Variants in FRMD4B observed in about 807,000 individuals in gnomAD.
The protein encoded by FRMD4B is FERM domain-containing protein 4B.
Under a neutral mutation model 141.5 loss-of-function variants are expected in FRMD4B, and 74 were observed. The ratio of observed to expected loss-of-function variants is 0.52; its 90% CI spans 0.43 to 0.63. FRMD4B has a LOEUF of 0.63. FRMD4B is among the 30% of genes least tolerant of loss of function. FRMD4B has a pLI of 0.00. For missense variants in FRMD4B, 1,366 were observed against 1,253.4 expected (o/e 1.09, Z -1.36); for synonymous variants, 506 against 467.9 (o/e 1.08, Z -1.05).
At chr3:69,355,340 A>T (rs1290339049) in intron 1 of FRMD4B, among the ~76,000 whole-genome samples, 1 of 152,208 alleles carries the variant, frequency 6.6e-6, no homozygotes, top group Non-Finnish European at 1.5e-5. Context: ...CTAAAATTTT[A>T]TATAGGTTGA....
intron 2 of FRMD4B, among the ~76,000 whole-genome samples, chr3:69,423,569 G>A (rs528748630): frequency 5.9e-5 from 9 of 152,216 alleles, no homozygotes; most frequent in African/African-American, 1.9e-4. Flanking sequence ...AATTAGCTGT[G>A]GTATGAATGT....
At chr3:69,358,087 A>G (rs1703376521) in intron 1 of FRMD4B, among the ~76,000 whole-genome samples, 1 of 152,230 alleles carries the variant, frequency 6.6e-6, no homozygotes, top group Non-Finnish European at 1.5e-5. Flanking sequence ...TCTGCAATTG[A>G]GGAATTACAC....
chr3:69,288,441 C>T (rs1700766370), intron 4 of FRMD4B, among the ~76,000 whole-genome samples: 1 of 152,256 alleles, frequency 6.6e-6, no homozygotes, highest in Non-Finnish European at 1.5e-5. Context: ...GGTCTTTTCT[C>T]ATGCAAATCA....
In FRMD4B at chr3:69,293,880, C is replaced by CAAAAAAAAA. The variant is rs10699871; in HGVS notation, c.417-6053_417-6045dup. Among the ~76,000 whole-genome samples the CAAAAAAAAA allele has an allele frequency of 1.6e-4, 12 of 74,448 alleles. 1 individual carries two copies. In the South Asian group the frequency reaches 2.6e-3, roughly 16 times the overall value. 48.8% of individuals were successfully genotyped at this position (74,448 alleles called of 152,430 possible). ...TGGGTGACAGAGCTAGATTCTGCCTCAAAAAAAAAAAAAAAAAAAAAAAAA... is the reference window on the plus strand; with the variant it reads ...TGGGTGACAGAGCTAGATTCTGCCTCAAAAAAAAAAAAAAAAAAAAAAAAAAAAAAAAAA... On this transcript the variant is annotated intron_variant, in intron 4 of 22. Coordinates refer to ENST00000398540, the MANE Select transcript of FRMD4B (RefSeq NM_015123.3).
At chr3:69,460,262 A>T (rs763412980) in intron 1 of FRMD4B, among the ~76,000 whole-genome samples, 19 of 152,218 alleles carry the variant, frequency 1.2e-4, no homozygotes, top group Admixed American at 5.9e-4. Context: ...ATTATTCATC[A>T]TCACATGTTG....
At chr3:69,230,762 A>T (rs2093298957) in intron 7 of FRMD4B, among the ~76,000 whole-genome samples, 1 of 151,890 alleles carries the variant, frequency 6.6e-6, no homozygotes, top group South Asian at 2.1e-4. Context: ...AAAAAAAAAA[A>T]TTTACACTAA....
intron 1 of FRMD4B, among the ~76,000 whole-genome samples, chr3:69,330,922 A>G (rs1702349124): frequency 6.6e-6 from 1 of 152,116 alleles, no homozygotes; most frequent in Non-Finnish European, 1.5e-5. Context: ...CAACTTTTTC[A>G]TTCACAAGCA....
At chr3:69,389,520 C>T (rs545098144), upstream of FRMD4B, among the ~76,000 whole-genome samples, 1 of 152,292 alleles carries the variant, frequency 6.6e-6, no homozygotes, top group East Asian at 1.9e-4. Flanking sequence ...TTGATCTTCC[C>T]CACTAGAGGC....
intron 1 of FRMD4B, among the ~76,000 whole-genome samples, chr3:69,436,976 G>T (rs1036232910): frequency 2.0e-5 from 3 of 152,130 alleles, no homozygotes; most frequent in Non-Finnish European, 4.4e-5. Flanking sequence ...AAGAGGCTGG[G>T]GGTACTGGGG....
At chr3:69,192,096 A>T (rs2092843991) in intron 17 of FRMD4B, among the ~76,000 whole-genome samples, 2 of 152,206 alleles carry the variant, frequency 1.3e-5, no homozygotes, top group South Asian at 2.1e-4. Context: ...GTTAAGAACT[A>T]ACCCAAGGCT....
chr3:69,420,851 G>A (rs1370770646), intron 2 of FRMD4B, among the ~76,000 whole-genome samples: 1 of 152,228 alleles, frequency 6.6e-6, no homozygotes, highest in Non-Finnish European at 1.5e-5. Flanking sequence ...CAGAGGAACT[G>A]TATGAAGCAA....
At chr3:69,369,085 A>T (rs1041418410) in intron 1 of FRMD4B, among the ~76,000 whole-genome samples, 2 of 152,194 alleles carry the variant, frequency 1.3e-5, no homozygotes, top group Non-Finnish European at 2.9e-5. Context: ...TAACCATATT[A>T]TTTGCACTGA....
At chr3:69,262,098 C>T (rs1159021737) in intron 5 of FRMD4B, among the ~76,000 whole-genome samples, 2 of 151,872 alleles carry the variant, frequency 1.3e-5, no homozygotes, top group Non-Finnish European at 2.9e-5. Context: ...TCTTGAGTAG[C>T]TGGAATTTCA....
At chr3:69,435,515 G>A (rs1210329275) in intron 1 of FRMD4B, among the ~76,000 whole-genome samples, 1 of 152,166 alleles carries the variant, frequency 6.6e-6, no homozygotes, top group Non-Finnish European at 1.5e-5. Flanking sequence ...ATTCATTTAT[G>A]TATTGATTGT....
chr3:69,468,478 T>A (rs1251679709), intron 1 of FRMD4B, among the ~76,000 whole-genome samples: 1 of 152,154 alleles, frequency 6.6e-6, no homozygotes, highest in African/African-American at 2.4e-5. Flanking sequence ...GAGATGGACC[T>A]GTTTGGTCTA....
chr3:69,358,373 T>C (rs77393250), intron 1 of FRMD4B, among the ~76,000 whole-genome samples: 3,122 of 152,274 alleles, frequency 0.021, 44 homozygotes, highest in South Asian at 0.064. Context: ...TCATTTTGCA[T>C]TGTGCTATGG....
chr3:69,264,942 C>T (rs1049492826), intron 5 of FRMD4B, among the ~76,000 whole-genome samples: 2 of 151,886 alleles, frequency 1.3e-5, no homozygotes, highest in African/African-American at 4.8e-5. Flanking sequence ...AATGCTCAGC[C>T]GTGGGAGGAT....
chr3:69,341,219 G>C (rs1702728043), intron 1 of FRMD4B, among the ~76,000 whole-genome samples: 1 of 152,198 alleles, frequency 6.6e-6, no homozygotes, highest in South Asian at 2.1e-4. Context: ...TGGGCACTTG[G>C]AGATGTACAG....
At chr3:69,542,453 T>A (rs1171469465) in exon 1 of FRMD4B, 2 of 153,282 alleles carry the variant, frequency 1.3e-5, no homozygotes, top group Admixed American at 1.3e-4. Context: ...GCCTGCCGCA[T>A]CCCCCGGCCC....
Sources: allele counts gnomAD v4.1 joint callset (sites outside exome capture counted in the v4.1 genomes callset), GRCh38; gene constraint gnomAD v4.1.1; transcripts MANE v1.5; gene names NCBI Gene and HGNC (gene_info 2026-07-23, HGNC 2026-07-21).